SPATS2L: variants seen among roughly 807,000 people sequenced by gnomAD.
SPATS2L encodes SPATS2-like protein.
SPATS2L carries 30 observed loss-of-function variants against 59.6 expected under a neutral mutation model. That is an observed-to-expected ratio of 0.50 (90% CI 0.38 to 0.68). SPATS2L has a LOEUF of 0.68. Ranked by LOEUF, SPATS2L falls within the 30% of genes least tolerant of loss-of-function variation. The pLI is 0.00. For missense variants in SPATS2L, 615 were observed against 700.0 expected (o/e 0.88, Z 1.37); for synonymous variants, 252 against 263.5 (o/e 0.96, Z 0.42).
chr2:200,337,492 A>G (rs988738021), intron 2 of SPATS2L, among the ~76,000 whole-genome samples: 6 of 152,178 alleles, frequency 3.9e-5, no homozygotes, highest in African/African-American at 1.4e-4. Flanking sequence ...GCCTAATTGC[A>G]TTCCTTGTTA....
intron 6 of SPATS2L, among the ~76,000 whole-genome samples, chr2:200,427,542 A>G (rs2083651105): frequency 6.7e-6 from 1 of 149,718 alleles, no homozygotes; most frequent in African/African-American, 2.4e-5. Context: ...TAAACCTATT[A>G]AGGTATTAAT....
intron 1 of SPATS2L, among the ~76,000 whole-genome samples, chr2:200,308,325 A>G (rs3769483): frequency 0.3 from 46,265 of 151,872 alleles, 7,754 homozygotes; most frequent in East Asian, 0.57. Context: ...GGCCTTATGA[A>G]ATTGTGTTGC....
intron 9 of SPATS2L, among the ~76,000 whole-genome samples, chr2:200,460,368 T>G (rs1264942704): frequency 6.6e-6 from 1 of 152,208 alleles, no homozygotes; most frequent in African/African-American, 2.4e-5. Context: ...CTGATTTGTC[T>G]TAAGCACTTC....
Position 200,473,061 on chromosome 2 carries a change from A to C in SPATS2L, c.1281+9A>C, listed in dbSNP as rs750498867. 1 of 1,606,464 alleles carries C rather than the reference A, an allele frequency of 6.2e-7. No individual in the cohort carries two copies. Among genetic ancestry groups the C allele is most frequent in the South Asian group, 1.1e-5 (1 of 90,542 alleles). On this transcript the variant is annotated intron_variant, in intron 12 of 12. Coordinates refer to ENST00000409140, the MANE Select transcript of SPATS2L (RefSeq NM_001100423.2). Reference sequence around the variant, plus strand: ...TGCCGGCCAACAAGCAGGTAAGCCGACACTGGTGCAGGGTGCCAGAGGAAA... The same window carrying C: ...TGCCGGCCAACAAGCAGGTAAGCCGCCACTGGTGCAGGGTGCCAGAGGAAA...
At chr2:200,342,150 A>C (rs915635327) in intron 2 of SPATS2L, among the ~76,000 whole-genome samples, 1 of 152,126 alleles carries the variant, frequency 6.6e-6, no homozygotes, top group African/African-American at 2.4e-5. Flanking sequence ...CTTATCACTA[A>C]CTATCACTCA....
chr2:200,450,849 C>G (rs369724809), intron 8 of SPATS2L, among the ~76,000 whole-genome samples: 5 of 152,190 alleles, frequency 3.3e-5, no homozygotes, highest in African/African-American at 1.2e-4. Context: ...GAAAAATCAA[C>G]TCTACCTGGC....
At chr2:200,437,019 C>A (rs2084345784) in intron 6 of SPATS2L, among the ~76,000 whole-genome samples, 1 of 152,150 alleles carries the variant, frequency 6.6e-6, no homozygotes, top group Non-Finnish European at 1.5e-5. Context: ...CCCATTCTCA[C>A]CATGTGGTAT....
At chr2:200,326,621 A>G (rs2079753172) in intron 1 of SPATS2L, among the ~76,000 whole-genome samples, 1 of 152,162 alleles carries the variant, frequency 6.6e-6, no homozygotes. Flanking sequence ...CAGTTTAGGA[A>G]CCAACTTTTC....
intron 6 of SPATS2L, among the ~76,000 whole-genome samples, chr2:200,424,623 C>A (rs542332364): frequency 1.6e-4 from 24 of 152,294 alleles, no homozygotes; most frequent in African/African-American, 5.3e-4. Flanking sequence ...TTCCTCCTGC[C>A]CTATGCTTCC....
chr2:200,443,741 T>C (rs1343115822), intron 8 of SPATS2L, among the ~76,000 whole-genome samples: 1 of 152,150 alleles, frequency 6.6e-6, no homozygotes. Context: ...CTAAACTCCC[T>C]GAAAAGTACT....
intron 3 of SPATS2L, among the ~76,000 whole-genome samples, chr2:200,400,191 T>G (rs2082481427): frequency 6.6e-6 from 1 of 152,104 alleles, no homozygotes. Flanking sequence ...CAGTAATAAA[T>G]TAAAGTATAG....
chr2:200,440,239 C>A (rs1006997989), intron 7 of SPATS2L, among the ~76,000 whole-genome samples: 1 of 152,224 alleles, frequency 6.6e-6, no homozygotes, highest in African/African-American at 2.4e-5. Flanking sequence ...CTCATTTGTA[C>A]CTCTCCCAGT....
intron 2 of SPATS2L, among the ~76,000 whole-genome samples, chr2:200,337,089 A>G (rs2080167564): frequency 6.6e-6 from 1 of 152,222 alleles, no homozygotes; most frequent in South Asian, 2.1e-4. Context: ...CTCTCAATAC[A>G]TTATCAACCC....
chr2:200,356,518 T>C (rs148435441), intron 2 of SPATS2L, among the ~76,000 whole-genome samples: 276 of 152,332 alleles, frequency 1.8e-3, no homozygotes, highest in Middle Eastern at 3.4e-3. Flanking sequence ...ATCACAAACA[T>C]TGCTTTTTTT....
chr2:200,402,412 A>C (rs1035840845), intron 3 of SPATS2L, among the ~76,000 whole-genome samples: 4 of 152,234 alleles, frequency 2.6e-5, no homozygotes, highest in African/African-American at 9.6e-5. Context: ...TCCTTTGAGC[A>C]TGTTCTTCCA....
chr2:200,481,240 G>A lies in SPATS2L; in HGVS notation c.*3209G>A, dbSNP rs2087767938. ...CTCAGTTCACAAGCAGTTCAATTCT[G>A]CTGGCATCAGAAAAGGAGATTCTAA... On this transcript the variant is annotated 3_prime_UTR_variant, in exon 13 of 13. Coordinates refer to ENST00000409140, the MANE Select transcript of SPATS2L (RefSeq NM_001100423.2). 2 of 152,248 alleles carry A rather than the reference G, an allele frequency of 1.3e-5. No homozygotes were observed. The highest frequency in any genetic ancestry group is 2.9e-5 in the Non-Finnish European group (2 of 68,046). 9.4% of individuals were successfully genotyped at this position (152,248 alleles called of 1,614,324 possible).
intron 6 of SPATS2L, among the ~76,000 whole-genome samples, chr2:200,432,103 C>G (rs1467000989): frequency 6.6e-6 from 1 of 151,826 alleles, no homozygotes; most frequent in Non-Finnish European, 1.5e-5. Flanking sequence ...TAACAAATTC[C>G]CTTAAATTAT....
At chr2:200,377,008 A>C (rs1360341158) in intron 2 of SPATS2L, among the ~76,000 whole-genome samples, 1 of 152,210 alleles carries the variant, frequency 6.6e-6, no homozygotes, top group African/African-American at 2.4e-5. Context: ...CACCTGTAAA[A>C]TGAGGACAGT....
rs56386402 is a variant in SPATS2L at position 200,426,194 on chromosome 2, G to A, written c.445+6698G>A. 3.6e-5 allele frequency among the ~76,000 whole-genome samples: 5 copies of A among 140,728 alleles called. No individual in the cohort carries two copies. The East Asian group carries it at 6.5e-4, about 18-fold the overall frequency. 92.3% of individuals were successfully genotyped at this position (140,728 alleles called of 152,430 possible). On this transcript the variant is annotated intron_variant, in intron 6 of 12. Transcript: ENST00000409140. The stretch of plus-strand genomic sequence containing the variant: ...CAACCTCCATCTCCTGGGTTCAAGC[G>A]ATTCTCCTGCCTCAGCCTCCCAAGT...
Sources: gnomAD v4.1 joint callset for allele counts (sites outside exome capture counted in the v4.1 genomes callset) on GRCh38, gnomAD v4.1.1 for gene constraint, MANE v1.5 for transcripts, NCBI Gene and HGNC (gene_info 2026-07-23, HGNC 2026-07-21) for gene names.